The following IL1RAPL2 variants were observed in gnomAD, a reference collection of about 807,000 sequenced individuals.
IL1RAPL2 encodes the protein interleukin 1 receptor accessory protein like 2, also known as X-linked interleukin-1 receptor accessory protein-like 2.
In IL1RAPL2, 3 loss-of-function variants were observed where a neutral mutation model predicts 44.1. The ratio of observed to expected loss-of-function variants is 0.07; its 90% CI spans 0.03 to 0.18. The LOEUF (loss-of-function observed/expected upper bound fraction) is 0.18. IL1RAPL2 is among the 10% of genes least tolerant of loss of function. The pLI, the probability that IL1RAPL2 is intolerant of heterozygous loss-of-function variation, is 1.00. For missense variants in IL1RAPL2, 391 were observed against 496.4 expected, an observed-to-expected ratio of 0.79 and a Z score of 2.02; for synonymous variants, 181 against 178.8, an observed-to-expected ratio of 1.01 and a Z score of -0.10.
At chrX:104,802,610 A>C (rs1159703139) in intron 2 of IL1RAPL2, among the ~76,000 whole-genome samples, 1 of 111,623 alleles carries the variant, frequency 9.0e-6, no homozygotes, top group Non-Finnish European at 1.9e-5. Flanking sequence ...TTGCTTTTTC[A>C]ACTAACACAG....
At position 104,618,323 on chromosome X, in the gene IL1RAPL2, C is replaced by T. The variant is rs1470909392; in HGVS notation, c.-19-40572C>T. On this transcript the variant is annotated intron_variant, in intron 1 of 10. Coordinates refer to ENST00000372582, the MANE Select transcript of IL1RAPL2 (RefSeq NM_017416.2). ...TGCACAGTGGTCTGAGCTCCCTGCT[C>T]AGGCCGGGGACAGGGAAGCCCAATG... Among the ~76,000 whole-genome samples the T allele has an allele frequency of 4.4e-5, 5 of 112,402 alleles. No individual in the cohort carries two copies. In the Admixed American group the frequency reaches 4.7e-4, roughly 11 times the overall value.
At chrX:105,603,241 C>CA (rs758595129) in intron 6 of IL1RAPL2, among the ~76,000 whole-genome samples, 129 of 74,305 alleles carry the variant, frequency 1.7e-3, no homozygotes, top group East Asian at 3.8e-3. Flanking sequence ...TGAATGGATC[C>CA]AAAAAAAAAA....
At chrX:105,425,964 A>G (rs1339358660) in intron 5 of IL1RAPL2, among the ~76,000 whole-genome samples, 1 of 104,170 alleles carries the variant, frequency 9.6e-6, no homozygotes, top group Non-Finnish European at 2.0e-5. Context: ...ACACTTGTCT[A>G]TTTCTGCCAA....
chrX:105,375,459 C>T (rs1017480283), intron 5 of IL1RAPL2, among the ~76,000 whole-genome samples: 4 of 111,418 alleles, frequency 3.6e-5, no homozygotes, highest in Non-Finnish European at 7.5e-5. Flanking sequence ...TGCAGTGAGC[C>T]GAGATTGCGC....
chrX:105,411,959 T>C (rs182634220), intron 5 of IL1RAPL2, among the ~76,000 whole-genome samples: 37 of 111,838 alleles, frequency 3.3e-4, no homozygotes, highest in Admixed American at 3.0e-3. Flanking sequence ...AAGTATCTCT[T>C]CTTATCAAAA....
chrX:104,959,615 G>T (rs189543117), intron 2 of IL1RAPL2, among the ~76,000 whole-genome samples: 57 of 111,374 alleles, frequency 5.1e-4, no homozygotes, highest in Non-Finnish European at 1.0e-3. Flanking sequence ...AATTATTGAG[G>T]TTCTCTCTGG....
At chrX:105,753,021 T>C (rs2038608811) in intron 9 of IL1RAPL2, 1 of 330,756 alleles carries the variant, frequency 3.0e-6, no homozygotes, top group South Asian at 2.6e-5. Context: ...TGTTAATACG[T>C]ACCAAGGACA....
chrX:105,330,927 G>A lies in IL1RAPL2; in HGVS notation c.697+63386G>A, dbSNP rs759878789. Among the ~76,000 whole-genome samples the A allele has an allele frequency of 6.3e-5, 7 of 111,101 alleles. No individual in the cohort carries two copies. The South Asian group carries it at 2.3e-3, about 36-fold the overall frequency. The stretch of plus-strand genomic sequence containing the variant: ...CTTTCTCAAATACAAATCTGATCAC[G>A]CCTAAAATCCTTTGGTGGCTTCTGA... On this transcript the variant is annotated intron_variant, in intron 5 of 10. Coordinates refer to ENST00000372582, the MANE Select transcript of IL1RAPL2 (RefSeq NM_017416.2).
chrX:104,831,862 A>C (rs1921616889), intron 2 of IL1RAPL2, among the ~76,000 whole-genome samples: 1 of 111,464 alleles, frequency 9.0e-6, no homozygotes, highest in African/African-American at 3.3e-5. Flanking sequence ...AAAAACCTTT[A>C]CTTTTATCTC....
intron 2 of IL1RAPL2, among the ~76,000 whole-genome samples, chrX:104,677,704 C>G (rs960137725): frequency 8.9e-6 from 1 of 112,100 alleles, no homozygotes; most frequent in Admixed American, 9.4e-5. Flanking sequence ...GCCTCGCTGC[C>G]GCCTTGCAGT....
intron 6 of IL1RAPL2, among the ~76,000 whole-genome samples, chrX:105,565,615 CA>C (rs2036968735): frequency 8.9e-6 from 1 of 112,043 alleles, no homozygotes; most frequent in Non-Finnish European, 1.9e-5. Flanking sequence ...AGTGGACTGA[CA>C]GGCAATGGTC....
intron 2 of IL1RAPL2, among the ~76,000 whole-genome samples, chrX:104,817,816 A>G (rs935034813): frequency 2.7e-5 from 3 of 111,680 alleles, no homozygotes; most frequent in African/African-American, 9.8e-5. Flanking sequence ...AAGAAAGACT[A>G]TCTCTTCTTA....
intron 6 of IL1RAPL2, among the ~76,000 whole-genome samples, chrX:105,561,165 C>T (rs2036933837): frequency 9.0e-6 from 1 of 111,244 alleles, no homozygotes; most frequent in African/African-American, 3.3e-5. Flanking sequence ...ACTCCTAGAA[C>T]AGTTTTGGGG....
intron 4 of IL1RAPL2, among the ~76,000 whole-genome samples, chrX:105,234,244 A>G (rs1392582897): frequency 8.9e-6 from 1 of 112,249 alleles, no homozygotes; most frequent in Non-Finnish European, 1.9e-5. Flanking sequence ...CCAGCCTGAC[A>G]GCATATAAGA....
intron 2 of IL1RAPL2, among the ~76,000 whole-genome samples, chrX:104,916,206 G>A (rs1474695201): frequency 8.9e-6 from 1 of 111,790 alleles, no homozygotes; most frequent in African/African-American, 3.3e-5. Context: ...CATGAGCATG[G>A]AATATTCTTC....
At chrX:105,077,140 G>A (rs147701007) in intron 2 of IL1RAPL2, among the ~76,000 whole-genome samples, 2,512 of 111,558 alleles carry the variant, frequency 0.023, 61 homozygotes, top group African/African-American at 0.078. Flanking sequence ...TCCTAGCCTT[G>A]ATGGTCTTTA....
intron 2 of IL1RAPL2, among the ~76,000 whole-genome samples, chrX:105,169,182 G>T (rs907924857): frequency 2.7e-5 from 3 of 111,597 alleles, no homozygotes; most frequent in Non-Finnish European, 5.6e-5. Context: ...GGACCAGAGA[G>T]CCCCTATGGG....
chrX:104,743,385 T>C (rs1255251466), intron 2 of IL1RAPL2, among the ~76,000 whole-genome samples: 2 of 109,955 alleles, frequency 1.8e-5, no homozygotes, highest in African/African-American at 3.3e-5. Flanking sequence ...GAGAGCCTTT[T>C]AAAGACCACT....
At chrX:105,744,608 A>G (rs1399115950) in intron 8 of IL1RAPL2, among the ~76,000 whole-genome samples, 1 of 111,642 alleles carries the variant, frequency 9.0e-6, no homozygotes, top group Non-Finnish European at 1.9e-5. Flanking sequence ...AAGAAACATG[A>G]TGCATCCTTT....
Sources: gnomAD v4.1 joint callset for allele counts (sites outside exome capture counted in the v4.1 genomes callset) on GRCh38, gnomAD v4.1.1 for gene constraint, MANE v1.5 for transcripts, NCBI Gene and HGNC (gene_info 2026-07-23, HGNC 2026-07-21) for gene names.